Variants in SLX4 observed in about 807,000 individuals in gnomAD.
SLX4 encodes the protein structure-specific endonuclease subunit SLX4.
Under a neutral mutation model 146.2 loss-of-function variants are expected in SLX4, and 112 were observed. The observed-to-expected ratio is 0.77, with a 90% CI of 0.66 to 0.90. SLX4 has a LOEUF of 0.90. Ranked by LOEUF, SLX4 falls within the 40% of genes least tolerant of loss-of-function variation. SLX4 has a pLI of 0.00. For synonymous variants in SLX4, 1,061 were observed against 997.7 expected (o/e 1.06, Z -1.20); for missense variants, 2,563 against 2,392.7 (o/e 1.07, Z -1.49).
rs747522879 is a variant in SLX4, at chr16:3,597,674, T to C, written c.1388A>G (p.Lys463Arg). ...CAACAATGGGGGGGATACCGGGGGT[T>C]TCTTCTTGCGACTTTTATTCTCTAG... The part of the protein sequence containing the change: ...PEAENKSRKK[K>R]PPVSPPLLLV... Residue 463 changes from lysine (K) to arginine (R), a missense_variant, in exon 7 of 15, where the codon AAA (lysine) becomes AGA (arginine). Coordinates refer to ENST00000294008, the MANE Select transcript of SLX4 (RefSeq NM_032444.4). The surrounding 1 kb of genome is among the most constrained non-coding windows in gnomAD (Gnocchi z 4.4). 1 of 1,613,832 alleles carries C rather than the reference T, an allele frequency of 6.2e-7. No homozygotes were observed. The highest frequency in any genetic ancestry group is 1.1e-5 in the South Asian group (1 of 91,064).
In SLX4 at chr16:3,583,470, T is replaced by G. The variant is rs1567166631; in HGVS notation, c.4780A>C (p.Lys1594Gln). Residue 1594 changes from lysine (K) to glutamine (Q), a missense_variant, in exon 14 of 15, where the codon AAG becomes CAG. By Grantham distance (53) the Lys-to-Gln change is moderately conservative. Transcript: ENST00000294008. ...GTGTACTGGAATATCTCCTTCAGCTTCAGAACCATCTGGCGTTTAGGCAGA... is the reference window on the plus strand; with the variant it reads ...GTGTACTGGAATATCTCCTTCAGCTGCAGAACCATCTGGCGTTTAGGCAGA... ...RPLPKRQMVL[K>Q]LKEIFQYTHQ... 1.2e-6 allele frequency: 2 copies of G among 1,614,042 alleles called. No individual in the cohort carries two copies. The highest frequency in any genetic ancestry group is 2.7e-5 in the African/African-American group (2 of 74,910).
At chr16:3,606,018 G>A (rs1022195708) in intron 3 of SLX4, among the ~76,000 whole-genome samples, 1 of 149,856 alleles carries the variant, frequency 6.7e-6, no homozygotes, top group African/African-American at 2.5e-5. Flanking sequence ...CCAGCACTTT[G>A]GGGAGCTGAG....
rs753239870 is a variant in SLX4, at chr16:3,596,145, C to A, written c.1924+8G>T. 1.3e-6 allele frequency: 2 copies of A among 1,549,212 alleles called. No individual in the cohort carries two copies. Among genetic ancestry groups the A allele is most frequent in the Non-Finnish European group, 8.7e-7 (1 of 1,149,278 alleles). ...GGGCTGGCCCTAGAGTCCCACCCAG[C>A]ATCTCACCTGCAGTCCCTTCCGAGC... On this transcript the variant is annotated splice_region_variant and intron_variant, in intron 8 of 14. Transcript: ENST00000294008.
chr16:3,589,252 G>A lies in SLX4; in HGVS notation c.4386C>T (p.Ala1462=), dbSNP rs747185125. 2.1e-5 allele frequency: 33 copies of A among 1,605,434 alleles called. No individual in the cohort carries two copies. The highest frequency in any genetic ancestry group is 7.8e-5 in the South Asian group (7 of 90,244). Residue 1462 remains alanine, a synonymous_variant, in exon 12 of 15, where the codon GCC becomes GCT. Transcript: ENST00000294008. The surrounding 1 kb of genome is among the most constrained non-coding windows in gnomAD (Gnocchi z 6.2). ...SSPSRRMNEA[A]DSRDCRSPGL... ...CCGGGGAGCGACAGTCACGGCTGTCGGCGGCCTCGTTCATCCTGCGGCTGG... is the reference window on the plus strand; with the variant it reads ...CCGGGGAGCGACAGTCACGGCTGTCAGCGGCCTCGTTCATCCTGCGGCTGG...
intron 12 of SLX4, among the ~76,000 whole-genome samples, chr16:3,587,132 G>A (rs560453891): frequency 2.6e-5 from 4 of 152,194 alleles, no homozygotes; most frequent in Non-Finnish European, 5.9e-5. Flanking sequence ...GTACTGAGAA[G>A]CACTGAACTG....
intron 10 of SLX4, 69 bp downstream of exon 10, chr16:3,594,384 G>C (rs1387895504): frequency 6.4e-7 from 1 of 1,561,234 alleles, no homozygotes; most frequent in African/African-American, 1.4e-5. Context: ...GGGAAGACCT[G>C]GTTGGAGAAA....
At chr16:3,583,074 C>A (rs529888376) in intron 14 of SLX4, 23 bp downstream of exon 14, 1 of 1,614,100 alleles carries the variant, frequency 6.2e-7, no homozygotes, top group East Asian at 2.2e-5. Context: ...AGGCCACTGA[C>A]CCCATCGCAT....
rs182545721 is a variant in SLX4 at position 3,609,039 on chromosome 16, C to T, written c.-75G>A. The T allele has an allele frequency of 6.6e-7, 1 of 1,508,178 alleles. No individual in the cohort carries two copies. Among genetic ancestry groups the T allele is most frequent in the African/African-American group, 1.4e-5 (1 of 72,848 alleles). 93.4% of individuals were successfully genotyped at this position (1,508,178 alleles called of 1,614,324 possible). The stretch of plus-strand genomic sequence containing the variant: ...TGAACAAAAAGTACTGTTTTCCTCT[C>T]TATAATGATTGAAGTATCTTTGTTC... On this transcript the variant is annotated 5_prime_UTR_variant, in exon 2 of 15. Coordinates refer to ENST00000294008, the MANE Select transcript of SLX4 (RefSeq NM_032444.4).
At chr16:3,598,535 A>G (rs1013847034) in intron 5 of SLX4, among the ~76,000 whole-genome samples, 4 of 152,190 alleles carry the variant, frequency 2.6e-5, no homozygotes, top group Admixed American at 6.5e-5. Context: ...TGCACTTTCA[A>G]CGGGCAGCAG....
At position 3,590,823 on chromosome 16, in the gene SLX4, G is replaced by A. The variant is rs1478383926; in HGVS notation, c.2815C>T (p.Arg939Trp). The A allele has an allele frequency of 5.0e-6, 8 of 1,614,034 alleles. No individual in the cohort carries two copies. The highest frequency in any genetic ancestry group is 1.3e-5 in the African/African-American group (1 of 75,042). ...PPPQGQHSGA[R>W]GAEAPEQEAP... is the part of the protein sequence containing the mutation. Reference sequence around the variant, plus strand: ...TCCTGCTCAGGGGCCTCTGCTCCCCGTGCCCCTGAGTGCTGGCCCTGGGGT... The same window carrying A: ...TCCTGCTCAGGGGCCTCTGCTCCCCATGCCCCTGAGTGCTGGCCCTGGGGT... Residue 939 changes from arginine to tryptophan, a missense_variant, in exon 12 of 15, where the codon CGG becomes TGG. Coordinates refer to ENST00000294008, the MANE Select transcript of SLX4 (RefSeq NM_032444.4). This position sits in a 1 kb window ranked among gnomAD's most constrained non-coding sequence, Gnocchi z 4.8.
Position 3,589,412 on chromosome 16 carries a change from G to T in SLX4, c.4226C>A (p.Ala1409Asp), listed in dbSNP as rs754092988. The change falls in exon 12 of 15, where the codon GCC (alanine) becomes GAC (aspartate). Residue 1409 changes from alanine to aspartate, a missense_variant. Coordinates refer to ENST00000294008, the MANE Select transcript of SLX4 (RefSeq NM_032444.4). The surrounding 1 kb of genome is among the most constrained non-coding windows in gnomAD (Gnocchi z 6.2). ...ACTGTCCAGTGGGGGGCTTCTGTTG[G>T]CCTGATGGGAGGCCACCTCCTGCTC... is the stretch of plus-strand genomic sequence containing the variant. Reference protein sequence around the residue: ...DDEQEVASHQANRSPPLDSDP... With the variant: ...DDEQEVASHQDNRSPPLDSDP... 3.1e-6 allele frequency: 5 copies of T among 1,602,008 alleles called. No homozygotes were observed. The African/African-American group carries it at 6.7e-5, about 21-fold the overall frequency.
chr16:3,601,034 C>T lies in SLX4; in HGVS notation c.1108G>A (p.Ala370Thr), dbSNP rs979070933. 5 of 1,613,870 alleles carry T rather than the reference C, an allele frequency of 3.1e-6. No homozygotes were observed. The African/African-American group carries it at 6.7e-5, about 22-fold the overall frequency. Residue 370 changes from alanine to threonine, a missense_variant, in exon 5 of 15, where the codon GCT becomes ACT. Physicochemically the swap from Ala to Thr is moderately conservative, Grantham distance 58. Coordinates refer to ENST00000294008, the MANE Select transcript of SLX4 (RefSeq NM_032444.4). ...MEVGPQLLLQ[A>T]VRLQTAQPEG... The stretch of plus-strand genomic sequence containing the variant: ...GGCTGTGCTGTCTGCAGCCGCACAG[C>T]CTGAAGCAGGAGCTGGGGGCCAACC...
At chr16:3,598,851 G>A (rs2040696674) in intron 5 of SLX4, among the ~76,000 whole-genome samples, 1 of 152,210 alleles carries the variant, frequency 6.6e-6, no homozygotes, top group African/African-American at 2.4e-5. Flanking sequence ...AACACAGACT[G>A]TGTTCCCTCC....
chr16:3,594,153 C>T (rs1012442506), intron 10 of SLX4, among the ~76,000 whole-genome samples: 1 of 152,192 alleles, frequency 6.6e-6, no homozygotes, highest in Admixed American at 6.5e-5. Context: ...AGGCGTGAGC[C>T]ACCGCGCCCG....
Position 3,609,053 on chromosome 16 carries a change from G to C in SLX4, c.-89C>G. The C allele has an allele frequency of 6.8e-7, 1 of 1,463,792 alleles. No individual in the cohort carries two copies. The highest frequency in any genetic ancestry group is 2.4e-5 in the East Asian group (1 of 41,234). The allele number at this position is 1,463,792 out of a possible 1,614,324, so 90.7% of individuals were successfully genotyped here. On this transcript the variant is annotated 5_prime_UTR_variant, in exon 2 of 15. Transcript: ENST00000294008. ...TGTTTTCCTCTCTATAATGATTGAA[G>C]TATCTTTGTTCAAATTGGGCCTGTG... is the stretch of plus-strand genomic sequence containing the variant.
At position 3,584,752 on chromosome 16, in the gene SLX4, C is replaced by T. The variant is rs1482182885; in HGVS notation, c.4739+17G>A. On this transcript the variant is annotated intron_variant, in intron 13 of 14. Transcript: ENST00000294008. The stretch of plus-strand genomic sequence containing the variant: ...GGAAAAGACCACTGTGGGCAACAAG[C>T]TTTGAAGACCGCCAACCTATCCAGT... 1 of 1,595,454 alleles carries T rather than the reference C, an allele frequency of 6.3e-7. No individual in the cohort carries two copies. The highest frequency in any genetic ancestry group is 8.6e-7 in the Non-Finnish European group (1 of 1,163,228).
rs550683816 is a variant in SLX4 at position 3,595,336 on chromosome 16, T to C, written c.2013+269A>G. On this transcript the variant is annotated intron_variant, in intron 9 of 14. Coordinates refer to ENST00000294008, the MANE Select transcript of SLX4 (RefSeq NM_032444.4). ...CTGGGACCCAGGACAGGGCAGGCTC[T>C]GGGGCCTCAACCCCAAGGTGCCCCA... Among the ~76,000 whole-genome samples, 20 of 152,322 alleles carry C rather than the reference T, an allele frequency of 1.3e-4. 1 individual carries two copies. In the South Asian group the frequency reaches 3.7e-3, roughly 28 times the overall value.
rs2151121806 is a variant in SLX4 at position 3,589,415 on chromosome 16, T to C, written c.4223A>G (p.Gln1408Arg). The change falls in exon 12 of 15, where the codon CAG becomes CGG. Residue 1408 changes from glutamine (Q) to arginine (R), a missense_variant. Gln to Arg is a conservative substitution (Grantham distance 43). Transcript: ENST00000294008. The surrounding 1 kb of genome is among the most constrained non-coding windows in gnomAD (Gnocchi z 6.2). Reference sequence around the variant, plus strand: ...GTCCAGTGGGGGGCTTCTGTTGGCCTGATGGGAGGCCACCTCCTGCTCATC... The same window carrying C: ...GTCCAGTGGGGGGCTTCTGTTGGCCCGATGGGAGGCCACCTCCTGCTCATC... The part of the protein sequence containing the change: ...SDDEQEVASH[Q>R]ANRSPPLDSD... The C allele has an allele frequency of 6.2e-7, 1 of 1,602,138 alleles. No homozygotes were observed. The highest frequency in any genetic ancestry group is 8.5e-7 in the Non-Finnish European group (1 of 1,171,212).
rs1399282657 is a variant in SLX4 at position 3,589,131 on chromosome 16, G to T, written c.4507C>A (p.Pro1503Thr). ...SGAGSLGNSR[P>T]SFLNSALWDV... is the part of the protein sequence containing the mutation. ...CACAGAGCCGAATTCAGAAAGCTCG[G>T]CCTGCTATTCCCCAGGGAGCCCGCG... The change falls in exon 12 of 15, where the codon CCG (proline) becomes ACG (threonine). Residue 1503 changes from proline (P) to threonine (T), a missense_variant. By Grantham distance (38) the Pro-to-Thr change is conservative. Coordinates refer to ENST00000294008, the MANE Select transcript of SLX4 (RefSeq NM_032444.4). This position sits in a 1 kb window ranked among gnomAD's most constrained non-coding sequence, Gnocchi z 6.2. 1 of 1,614,060 alleles carries T rather than the reference G, an allele frequency of 6.2e-7. No homozygotes were observed. Among genetic ancestry groups the T allele is most frequent in the Admixed American group, 1.7e-5 (1 of 60,028 alleles).
Sources: gnomAD v4.1 joint callset for allele counts (sites outside exome capture counted in the v4.1 genomes callset) on GRCh38, gnomAD v4.1.1 for gene constraint, Gnocchi (gnomAD v3.1) non-coding constraint, MANE v1.5 for transcripts, NCBI Gene and HGNC (gene_info 2026-07-23, HGNC 2026-07-21) for gene names.